Variants in RANBP2 observed in about 807,000 individuals in gnomAD.
The protein encoded by RANBP2 is E3 SUMO-protein ligase RanBP2.
RANBP2 carries 57 observed loss-of-function variants against 303.6 expected under a neutral mutation model. The ratio of observed to expected loss-of-function variants is 0.19; its 90% CI spans 0.15 to 0.23. The LOEUF (loss-of-function observed/expected upper bound fraction) is 0.23. Ranked by LOEUF, RANBP2 falls within the 10% of genes least tolerant of loss-of-function variation. The pLI is 1.00. For missense variants in RANBP2, 3,138 were observed against 3,780.8 expected (o/e 0.83, Z 4.46); for synonymous variants, 1,167 against 1,301.5 (o/e 0.90, Z 2.23).
chr2:109,492,666 G>A, the RANBP2 span, among the ~76,000 whole-genome samples: 9 of 152,244 alleles, frequency 5.9e-5, no homozygotes, highest in African/African-American at 1.9e-4. Context: ...CTAGGTAACT[G>A]GCCCAAGATC....
chr2:109,724,151 T>C, the RANBP2 span, among the ~76,000 whole-genome samples: 1 of 152,254 alleles, frequency 6.6e-6, no homozygotes, highest in African/African-American at 2.4e-5. Flanking sequence ...ACCAGCACCA[T>C]GCTGTTTTGG....
At chr2:108,931,521 A>T in the RANBP2 span, among the ~76,000 whole-genome samples, 1 of 152,196 alleles carries the variant, frequency 6.6e-6, no homozygotes, top group Non-Finnish European at 1.5e-5. Context: ...CAGGTTGTCC[A>T]TCAAAGTGGA....
chr2:109,726,061 GTGTGTGTGT>G, the RANBP2 span, among the ~76,000 whole-genome samples: 84 of 122,810 alleles, frequency 6.8e-4, no homozygotes, highest in East Asian at 2.6e-3. Context: ...TGCTTTTGGT[GTGTGTGTGT>G]GTGTGTGTGT....
chr2:109,326,319 A>G, the RANBP2 span, among the ~76,000 whole-genome samples: 3 of 152,178 alleles, frequency 2.0e-5, no homozygotes, highest in South Asian at 4.2e-4. Flanking sequence ...ATCATAGACT[A>G]TCTACTTCAC....
the RANBP2 span, among the ~76,000 whole-genome samples, chr2:109,111,713 T>G: frequency 1.3e-5 from 2 of 151,350 alleles, no homozygotes; most frequent in Non-Finnish European, 2.9e-5. Context: ...ACATGTGCCA[T>G]GCTGGTGTGC....
the RANBP2 span, chr2:108,883,231 A>G: frequency 6.6e-6 from 1 of 152,232 alleles, no homozygotes; most frequent in Non-Finnish European, 1.5e-5. Context: ...ATCCCTGAAA[A>G]TATTTCATGG....
At chr2:108,977,234 G>C in the RANBP2 span, among the ~76,000 whole-genome samples, 1 of 152,108 alleles carries the variant, frequency 6.6e-6, no homozygotes, top group African/African-American at 2.4e-5. Context: ...GCCGCCGGGA[G>C]ATCTGGTGGC....
chr2:108,742,601 G>A (rs1238402462), intron 7 of RANBP2, among the ~76,000 whole-genome samples: 1 of 152,098 alleles, frequency 6.6e-6, no homozygotes, highest in Admixed American at 6.6e-5. Flanking sequence ...ACCGAGCCCG[G>A]CCTGTAAATC....
At chr2:109,446,394 G>A in the RANBP2 span, among the ~76,000 whole-genome samples, 7 of 152,196 alleles carry the variant, frequency 4.6e-5, no homozygotes, top group Non-Finnish European at 8.8e-5. Context: ...ATGGAGCTCC[G>A]TTGCACAGTG....
At chr2:109,130,234 C>T in the RANBP2 span, 7 of 949,354 alleles carry the variant, frequency 7.4e-6, no homozygotes, top group African/African-American at 1.7e-5. Context: ...TTGGCCCACT[C>T]CGCTGTTGCT....
At chr2:108,778,322 G>A (rs1678023051) in intron 25 of RANBP2, among the ~76,000 whole-genome samples, 1 of 152,200 alleles carries the variant, frequency 6.6e-6, no homozygotes, top group South Asian at 2.1e-4. Context: ...AAGCTCTTGT[G>A]TATTGAATGC....
At chr2:109,487,008 C>T in the RANBP2 span, among the ~76,000 whole-genome samples, 2 of 152,272 alleles carry the variant, frequency 1.3e-5, no homozygotes, top group East Asian at 1.9e-4. Context: ...AGTGATCCCC[C>T]CAACAGAGAG....
At chr2:109,409,192 C>T in the RANBP2 span, among the ~76,000 whole-genome samples, 1 of 152,200 alleles carries the variant, frequency 6.6e-6, no homozygotes, top group Non-Finnish European at 1.5e-5. Flanking sequence ...CTTTTGATCA[C>T]AACTTTCACT....
chr2:109,570,393 A>G, the RANBP2 span, among the ~76,000 whole-genome samples: 1 of 152,250 alleles, frequency 6.6e-6, no homozygotes, highest in Non-Finnish European at 1.5e-5. Flanking sequence ...TGGGTTCTGC[A>G]TCCACAGATT....
the RANBP2 span, among the ~76,000 whole-genome samples, chr2:109,413,079 C>G: frequency 6.6e-6 from 1 of 152,206 alleles, no homozygotes; most frequent in Non-Finnish European, 1.5e-5. Flanking sequence ...AAATCCTTAC[C>G]TGTACCTCCT....
the RANBP2 span, among the ~76,000 whole-genome samples, chr2:108,886,122 T>C: frequency 6.6e-6 from 1 of 152,226 alleles, no homozygotes; most frequent in Non-Finnish European, 1.5e-5. Flanking sequence ...TTTGGGTAGA[T>C]ACCCAGTAGA....
the RANBP2 span, chr2:109,565,752 G>GT: frequency 6.2e-7 from 1 of 1,606,262 alleles, no homozygotes. Flanking sequence ...GTCATCCTTT[G>GT]TCTCATTTAC....
the RANBP2 span, among the ~76,000 whole-genome samples, chr2:108,796,874 TTAGA>T: frequency 4.9e-3 from 748 of 152,098 alleles, 8 homozygotes; most frequent in African/African-American, 0.015. Flanking sequence ...AAAAATACAG[TTAGA>T]TAGGAGTAAG....
rs549736259 is a variant in RANBP2, at chr2:108,755,243, A to G, written c.2450A>G (p.Gln817Arg). 1 of 1,611,928 alleles carries G rather than the reference A, an allele frequency of 6.2e-7. No homozygotes were observed. Among genetic ancestry groups the G allele is most frequent in the Non-Finnish European group, 8.5e-7 (1 of 1,179,848 alleles). The change falls in exon 17 of 29, where the codon CAA (glutamine) becomes CGA (arginine). Residue 817 changes from glutamine (Q) to arginine (R), a missense_variant. Physicochemically the swap from Gln to Arg is conservative, Grantham distance 43. Coordinates refer to ENST00000283195, the MANE Select transcript of RANBP2 (RefSeq NM_006267.5). Reference sequence around the variant, plus strand: ...TCTTTACTGAAAATGATTTGCCAACAAGTAGAGGCCATTAAGGTAAGTCAC... The same window carrying G: ...TCTTTACTGAAAATGATTTGCCAACGAGTAGAGGCCATTAAGGTAAGTCAC... ...QNSLLKMICQQVEAIKKEMQE... is the reference protein window; with the variant it reads ...QNSLLKMICQRVEAIKKEMQE...
Sources: gnomAD v4.1 joint callset for allele counts (sites outside exome capture counted in the v4.1 genomes callset) on GRCh38, gnomAD v4.1.1 for gene constraint, MANE v1.5 for transcripts, NCBI Gene and HGNC (gene_info 2026-07-23, HGNC 2026-07-21) for gene names.